MYO5B: variants seen among roughly 807,000 people sequenced by gnomAD.
MYO5B encodes unconventional myosin-Vb.
Under a neutral mutation model 229.3 loss-of-function variants are expected in MYO5B, and 143 were observed. The ratio of observed to expected loss-of-function variants is 0.62; its 90% confidence interval spans 0.54 to 0.72. The LOEUF (loss-of-function observed/expected upper bound fraction) is 0.72, where lower values mean the gene tolerates loss of function less well. MYO5B is among the 30% of genes least tolerant of loss of function. The pLI is 0.00. For missense variants in MYO5B, 2,321 were observed against 2,331.0 expected, an observed-to-expected ratio of 1.00 and a Z score of 0.09; for synonymous variants, 918 against 885.2, an observed-to-expected ratio of 1.04 and a Z score of -0.66.
intron 25 of MYO5B, 111 bp from the exon 26 acceptor site, chr18:49,875,938 C>T: frequency 2.4e-6 from 3 of 1,257,370 alleles, no homozygotes; most frequent in Non-Finnish European, 3.4e-6. Flanking sequence ...CTCTCTCCTC[C>T]CAAACATCAA....
chr18:49,909,821 C>T (rs888602505), intron 18 of MYO5B, among the ~76,000 whole-genome samples: 41 of 152,292 alleles, frequency 2.7e-4, no homozygotes, highest in African/African-American at 9.1e-4. Flanking sequence ...GGGGAAAAAG[C>T]ATTGCAGGCA....
chr18:49,893,927 C>T (rs2024747035), intron 22 of MYO5B, among the ~76,000 whole-genome samples: 1 of 152,214 alleles, frequency 6.6e-6, no homozygotes, highest in African/African-American at 2.4e-5. Flanking sequence ...CTTCCAGAAG[C>T]CAAACACAAT....
intron 1 of MYO5B, among the ~76,000 whole-genome samples, chr18:50,191,705 A>C (rs1373828380): frequency 6.6e-6 from 1 of 152,230 alleles, no homozygotes. Flanking sequence ...AAGGTCATGG[A>C]AAATGCATAT....
chr18:50,077,168 TAAAAAA>T (rs71169476), intron 1 of MYO5B, among the ~76,000 whole-genome samples: 18 of 81,214 alleles, frequency 2.2e-4, no homozygotes, highest in South Asian at 6.0e-4. Flanking sequence ...TGTGGCAAAG[TAAAAAA>T]AAAAAAAAAA....
At chr18:49,971,952 A>G (rs2025696597) in intron 10 of MYO5B, among the ~76,000 whole-genome samples, 1 of 152,138 alleles carries the variant, frequency 6.6e-6, no homozygotes, top group Admixed American at 6.5e-5. Flanking sequence ...AGAAAAAAAC[A>G]ACATAGCATG....
At chr18:49,923,210 G>C (rs570748145) in intron 17 of MYO5B, among the ~76,000 whole-genome samples, 1 of 152,296 alleles carries the variant, frequency 6.6e-6, no homozygotes, top group African/African-American at 2.4e-5. Flanking sequence ...CAACTCCTCA[G>C]TGAAGTTGCA....
At chr18:50,027,944 G>A (rs887373892) in intron 4 of MYO5B, among the ~76,000 whole-genome samples, 2 of 152,162 alleles carry the variant, frequency 1.3e-5, no homozygotes, top group Non-Finnish European at 2.9e-5. Context: ...GCAAGTGCAG[G>A]ATGAAGGCAA....
intron 8 of MYO5B, among the ~76,000 whole-genome samples, chr18:49,982,202 C>T (rs2025823324): frequency 6.6e-6 from 1 of 152,130 alleles, no homozygotes; most frequent in African/African-American, 2.4e-5. Context: ...TCTTGAGTAG[C>T]TGGGACAGGT....
rs547563117 is a variant in MYO5B, at chr18:50,000,302, C to A, written c.612+953G>T. On this transcript the variant is annotated intron_variant, in intron 5 of 39. Transcript: ENST00000285039. ...AACCTGATGCTATCTTGGCAGCTTG[C>A]GGCTCAACTAATGTCTTCTTACTAT... Among the ~76,000 whole-genome samples, 9 of 152,282 alleles carry A rather than the reference C, an allele frequency of 5.9e-5. No homozygotes were observed. In the South Asian group the frequency reaches 8.3e-4, roughly 14 times the overall value.
At chr18:50,163,027 C>T (rs2032792961) in intron 1 of MYO5B, among the ~76,000 whole-genome samples, 1 of 152,156 alleles carries the variant, frequency 6.6e-6, no homozygotes, top group Non-Finnish European at 1.5e-5. Flanking sequence ...TGTTTGTGTT[C>T]ATGCAACTGT....
intron 17 of MYO5B, among the ~76,000 whole-genome samples, chr18:49,927,442 A>G (rs2025141856): frequency 7.1e-6 from 1 of 140,122 alleles, no homozygotes; most frequent in Non-Finnish European, 1.5e-5. Context: ...CAAAAAAACA[A>G]AACAAAACAA....
chr18:49,990,666 A>G (rs922991957), intron 6 of MYO5B, 146 bp from the exon 7 acceptor site: 2 of 704,476 alleles, frequency 2.8e-6, no homozygotes, highest in Non-Finnish European at 5.1e-6. Flanking sequence ...GCCACCTTCA[A>G]TTCCCACTTT....
chr18:49,969,138 G>A (rs2025659877), intron 10 of MYO5B, among the ~76,000 whole-genome samples: 1 of 152,192 alleles, frequency 6.6e-6, no homozygotes, highest in Non-Finnish European at 1.5e-5. Context: ...GGCATGTCCA[G>A]GGATCTTCTG....
chr18:50,130,723 A>T (rs926496009), intron 1 of MYO5B, among the ~76,000 whole-genome samples: 1 of 151,972 alleles, frequency 6.6e-6, no homozygotes. Flanking sequence ...AACCAACAAT[A>T]TCGTCTACAC....
At position 49,836,837 on chromosome 18, in the gene MYO5B, G is replaced by A. The variant is rs376641764; in HGVS notation, c.5187C>T (p.His1729=). ...LEEWLRGRNL[H]QSGAVQTMEP... is the part of the protein sequence containing the mutation. ...CCATGGTCTGAACTGCTCCACTCTGGTGAAGGTTTCTTCCCCGAAGCCACT... is the reference window on the plus strand; with the variant it reads ...CCATGGTCTGAACTGCTCCACTCTGATGAAGGTTTCTTCCCCGAAGCCACT... The change falls in exon 38 of 40, where the codon CAC becomes CAT. Residue 1729 remains histidine, a synonymous_variant. Transcript: ENST00000285039. 6.2e-7 allele frequency: 1 copy of A among 1,614,190 alleles called. No homozygotes were observed. Among genetic ancestry groups the A allele is most frequent in the Non-Finnish European group, 8.5e-7 (1 of 1,180,022 alleles).
chr18:50,190,149 T>C (rs2033207233), intron 1 of MYO5B, among the ~76,000 whole-genome samples: 1 of 152,234 alleles, frequency 6.6e-6, no homozygotes, highest in Admixed American at 6.5e-5. Flanking sequence ...GTATTTGAAA[T>C]AGCAGTATTT....
intron 18 of MYO5B, among the ~76,000 whole-genome samples, chr18:49,908,847 A>G (rs1038787896): frequency 6.6e-6 from 1 of 152,232 alleles, no homozygotes; most frequent in African/African-American, 2.4e-5. Flanking sequence ...TGTGGAGTTA[A>G]AGAATAAACA....
intron 22 of MYO5B, among the ~76,000 whole-genome samples, chr18:49,885,477 G>T (rs1356279585): frequency 3.3e-5 from 5 of 152,062 alleles, no homozygotes; most frequent in Admixed American, 3.3e-4. Context: ...AGACTTCATG[G>T]CATTAAAACC....
intron 39 of MYO5B, among the ~76,000 whole-genome samples, chr18:49,831,991 T>C (rs2023928737): frequency 6.6e-6 from 1 of 152,068 alleles, no homozygotes; most frequent in Non-Finnish European, 1.5e-5. Flanking sequence ...CGAAAGAATA[T>C]CGTATGAGCC....
Sources: allele counts gnomAD v4.1 joint callset (sites outside exome capture counted in the v4.1 genomes callset), GRCh38; gene constraint gnomAD v4.1.1; transcripts MANE v1.5; gene names NCBI Gene and HGNC (gene_info 2026-07-23, HGNC 2026-07-21).